The following FER1L6 variants were observed in gnomAD, a reference collection of about 807,000 sequenced individuals.
FER1L6 encodes fer-1 like family member 6.
FER1L6 carries 177 observed loss-of-function variants against 219.2 expected under a neutral mutation model. The observed-to-expected ratio is 0.81, with a 90% CI of 0.71 to 0.91. FER1L6 has a LOEUF of 0.91. FER1L6 is among the 40% of genes least tolerant of loss of function. The pLI is 0.00. For synonymous variants in FER1L6, 768 were observed against 824.3 expected (o/e 0.93, Z 1.17); for missense variants, 2,153 against 2,259.9 (o/e 0.95, Z 0.96).
intron 1 of FER1L6, among the ~76,000 whole-genome samples, chr8:123,894,095 T>TA (rs1812700982): frequency 6.6e-6 from 1 of 152,032 alleles, no homozygotes; most frequent in African/African-American, 2.4e-5. Flanking sequence ...CTGATAAACA[T>TA]AGAAACTGAC....
chr8:123,897,833 A>G (rs917099613), intron 1 of FER1L6, among the ~76,000 whole-genome samples: 4 of 152,168 alleles, frequency 2.6e-5, no homozygotes, highest in African/African-American at 7.2e-5. Flanking sequence ...ATGTTGGCAA[A>G]GTTTGCCTGT....
chr8:123,974,682 A>G (rs1029448641), intron 7 of FER1L6, among the ~76,000 whole-genome samples: 1 of 149,552 alleles, frequency 6.7e-6, no homozygotes, highest in Non-Finnish European at 1.5e-5. Context: ...AAAAAAAAAA[A>G]GAAATGTGAA....
At chr8:123,927,655 A>T (rs937387546) in intron 1 of FER1L6, among the ~76,000 whole-genome samples, 1 of 152,168 alleles carries the variant, frequency 6.6e-6, no homozygotes, top group Non-Finnish European at 1.5e-5. Flanking sequence ...TAGAAGTTGT[A>T]CTTCTAGTTA....
rs11993745 is a variant in FER1L6, at chr8:123,964,481, T to C, written c.197+1083T>C. 4.1e-3 allele frequency among the ~76,000 whole-genome samples: 626 copies of C among 152,214 alleles called. 7 individuals are homozygous for C. The highest frequency in any genetic ancestry group is 0.014 in the African/African-American group (576 of 41,544). ...ATTAGAGAAAGTGATAACTCAGAAG[T>C]TGACACTCAAAAGAAGACATGAAAT... On this transcript the variant is annotated intron_variant, in intron 3 of 40. Coordinates refer to ENST00000522917, the MANE Select transcript of FER1L6 (RefSeq NM_001039112.2).
At chr8:123,992,977 G>C (rs1056694081) in intron 12 of FER1L6, among the ~76,000 whole-genome samples, 2 of 152,152 alleles carry the variant, frequency 1.3e-5, no homozygotes, top group East Asian at 1.9e-4. Flanking sequence ...TTCAGGAGCA[G>C]ACTAATTTCC....
rs547870868 is a variant in FER1L6 at position 124,103,639 on chromosome 8, C to T, written c.5289+330C>T. ...TATGCCTTCATCCTCAAATGTAAGA[C>T]ATGATTTAAAAAGTGATCCATCCTT... is the stretch of plus-strand genomic sequence containing the variant. On this transcript the variant is annotated intron_variant, in intron 39 of 40. Transcript: ENST00000522917. Among the ~76,000 whole-genome samples, 4 of 152,256 alleles carry T rather than the reference C, an allele frequency of 2.6e-5. No individual in the cohort carries two copies. The East Asian group carries it at 7.7e-4, about 29-fold the overall frequency.
intron 1 of FER1L6, among the ~76,000 whole-genome samples, chr8:123,865,290 C>A (rs1416426162): frequency 6.7e-6 from 1 of 150,004 alleles, no homozygotes; most frequent in Non-Finnish European, 1.5e-5. Context: ...AGTTAGGCTG[C>A]TCAGGGGTCA....
At chr8:123,957,414 T>C (rs1353821233) in intron 2 of FER1L6, among the ~76,000 whole-genome samples, 2 of 152,188 alleles carry the variant, frequency 1.3e-5, no homozygotes, top group East Asian at 3.8e-4. Context: ...TGTAACACTG[T>C]GGTAGGCCCT....
intron 1 of FER1L6, among the ~76,000 whole-genome samples, chr8:123,880,268 C>A (rs922539666): frequency 6.6e-6 from 1 of 152,080 alleles, no homozygotes; most frequent in Non-Finnish European, 1.5e-5. Flanking sequence ...ACAGACCAAC[C>A]GAGCCTTCTT....
intron 19 of FER1L6, chr8:124,036,325 A>G (rs780961782): frequency 6.6e-6 from 1 of 152,204 alleles, no homozygotes. Flanking sequence ...TACATATCCA[A>G]TGGTTCAGCT....
intron 6 of FER1L6, 73 bp downstream of exon 6, chr8:123,970,170 A>G: frequency 1.5e-6 from 2 of 1,309,752 alleles, no homozygotes; most frequent in African/African-American, 2.9e-5. Flanking sequence ...TCTCTGGGAC[A>G]ACTCAGCATA....
intron 16 of FER1L6, 145 bp from the exon 17 acceptor site, chr8:124,021,405 G>T: frequency 1.0e-6 from 1 of 957,188 alleles, no homozygotes; most frequent in Non-Finnish European, 1.5e-6. Context: ...CAAGGAGGCA[G>T]CATGCACGGT....
intron 18 of FER1L6, among the ~76,000 whole-genome samples, chr8:124,034,988 A>G (rs2130704688): frequency 6.6e-6 from 1 of 152,332 alleles, no homozygotes; most frequent in South Asian, 2.1e-4. Context: ...GTGGCAATAA[A>G]CACACCTACT....
At chr8:124,029,923 T>C (rs764734780) in intron 18 of FER1L6, among the ~76,000 whole-genome samples, 19 of 152,220 alleles carry the variant, frequency 1.2e-4, no homozygotes, top group Non-Finnish European at 2.8e-4. Context: ...CTTTAATCCA[T>C]CTTGAGTTAA....
chr8:123,888,436 T>C (rs1289615803), intron 1 of FER1L6, among the ~76,000 whole-genome samples: 1 of 152,202 alleles, frequency 6.6e-6, no homozygotes, highest in Non-Finnish European at 1.5e-5. Flanking sequence ...TTTGTAATAC[T>C]CTTTGTCCCC....
At chr8:123,933,969 C>CT (rs1197308737) in intron 1 of FER1L6, among the ~76,000 whole-genome samples, 3 of 152,102 alleles carry the variant, frequency 2.0e-5, no homozygotes, top group Non-Finnish European at 2.9e-5. Context: ...TATATCCTTG[C>CT]TTTTTTCTGA....
At chr8:123,934,533 ATT>A (rs34039461) in intron 1 of FER1L6, among the ~76,000 whole-genome samples, 39 of 147,900 alleles carry the variant, frequency 2.6e-4, no homozygotes, top group African/African-American at 4.7e-4. Flanking sequence ...TTCAGGTTGA[ATT>A]TTTTTTTTTT....
At chr8:124,092,992 T>A (rs1822110259) in intron 34 of FER1L6, among the ~76,000 whole-genome samples, 1 of 151,820 alleles carries the variant, frequency 6.6e-6, no homozygotes, top group Admixed American at 6.6e-5. Context: ...CCTGACTAAT[T>A]TTTGTATTTT....
chr8:124,075,046 G>A (rs1460454462), intron 31 of FER1L6, among the ~76,000 whole-genome samples: 1 of 152,184 alleles, frequency 6.6e-6, no homozygotes, highest in East Asian at 1.9e-4. Context: ...TGAAGGCCTA[G>A]GATGTTACTG....
Sources: gnomAD v4.1 joint callset for allele counts (sites outside exome capture counted in the v4.1 genomes callset) on GRCh38, gnomAD v4.1.1 for gene constraint, MANE v1.5 for transcripts, NCBI Gene and HGNC (gene_info 2026-07-23, HGNC 2026-07-21) for gene names.